Variants in CFAP57 observed in about 807,000 individuals in gnomAD.
CFAP57 encodes cilia and flagella associated protein 57, also known as cilia- and flagella-associated protein 57.
In CFAP57, 116 loss-of-function variants were observed where a neutral mutation model predicts 146.8. That is an observed-to-expected ratio of 0.79 (90% CI 0.68 to 0.92). The LOEUF (loss-of-function observed/expected upper bound fraction) is 0.92, where lower values mean the gene tolerates loss of function less well. Ranked by LOEUF, CFAP57 falls within the 40% of genes least tolerant of loss-of-function variation. The pLI is 0.00. For missense variants in CFAP57, 1,377 were observed against 1,527.2 expected (o/e 0.90, Z 1.64); for synonymous variants, 518 against 552.8 (o/e 0.94, Z 0.88).
rs1642965896 is a variant in CFAP57, at chr1:43,185,219, A to C, written c.832A>C (p.Ser278Arg). ...ACAGATGGTGGCGGCCAGTAGCCAT[A>C]GCCAGATGTCCATGCCCCAGGTGTT... ...YEQMVAASSH[S>R]QMSMPQVFAI... Residue 278 changes from serine to arginine, a missense_variant, in exon 5 of 23, where the codon AGC becomes CGC. Coordinates refer to ENST00000372492, the MANE Select transcript of CFAP57 (RefSeq NM_001378189.1). 31 of 1,614,210 alleles carry C rather than the reference A, an allele frequency of 1.9e-5. No individual in the cohort carries two copies. Among genetic ancestry groups the C allele is most frequent in the Non-Finnish European group, 2.5e-5 (29 of 1,180,048 alleles).
At chr1:43,205,554 A>G (rs1294946659) in intron 9 of CFAP57, among the ~76,000 whole-genome samples, 2 of 152,128 alleles carry the variant, frequency 1.3e-5, no homozygotes. Flanking sequence ...ATGGCTTGGA[A>G]CTTTCACTCT....
At chr1:43,184,969 G>A in intron 4 of CFAP57, 180 bp from the exon 5 acceptor site, 1 of 661,162 alleles carries the variant, frequency 1.5e-6, no homozygotes, top group South Asian at 1.7e-5. Flanking sequence ...TTGCTTCTAG[G>A]CTTGGCCATG....
chr1:43,180,023 A>T (rs1645327330), intron 2 of CFAP57, among the ~76,000 whole-genome samples: 1 of 151,796 alleles, frequency 6.6e-6, no homozygotes, highest in South Asian at 2.1e-4. Context: ...CCTGACCAAC[A>T]TGGAGAAACC....
intron 10 of CFAP57, among the ~76,000 whole-genome samples, chr1:43,207,226 A>G (rs1644396536): frequency 6.6e-6 from 1 of 152,192 alleles, no homozygotes; most frequent in Non-Finnish European, 1.5e-5. Flanking sequence ...CATGGAGGTC[A>G]TGTCATCTCT....
At chr1:43,172,654 G>A in intron 1 of CFAP57, 81 bp from the exon 2 acceptor site, 2 of 1,402,370 alleles carry the variant, frequency 1.4e-6, no homozygotes, top group Non-Finnish European at 2.0e-6. Flanking sequence ...GCAAAGGGCG[G>A]GGAGGGCGAG....
chr1:43,209,742 G>T lies in CFAP57; in HGVS notation c.1756-1G>T. ...ACTGAGCAGAGCTGCCTGTGTCTCA[G>T]ATCCTTCGAGAGATATCGGCGTTTG... On this transcript the variant is annotated splice_acceptor_variant, in intron 10 of 22. Transcript: ENST00000372492. LOFTEE classifies it high-confidence loss of function. 6.2e-7 allele frequency: 1 copy of T among 1,613,736 alleles called. No homozygotes were observed. Among genetic ancestry groups the T allele is most frequent in the South Asian group, 1.1e-5 (1 of 90,924 alleles).
chr1:43,207,815 C>T (rs978730680), intron 10 of CFAP57, among the ~76,000 whole-genome samples: 8 of 152,200 alleles, frequency 5.3e-5, no homozygotes, highest in South Asian at 2.1e-4. Flanking sequence ...GTAGATACCA[C>T]GGCAGCAAGC....
intron 6 of CFAP57, among the ~76,000 whole-genome samples, chr1:43,188,469 A>G (rs926291898): frequency 6.6e-6 from 1 of 152,170 alleles, no homozygotes; most frequent in African/African-American, 2.4e-5. Context: ...TATTATAGCC[A>G]TCTTAGTGGG....
chr1:43,236,680 C>T (rs1012865123), intron 21 of CFAP57, among the ~76,000 whole-genome samples: 1 of 147,388 alleles, frequency 6.8e-6, no homozygotes, highest in African/African-American at 2.5e-5. Context: ...GAGGCCGAGG[C>T]GGGTGGATCG....
chr1:43,208,822 A>G (rs925838066), intron 10 of CFAP57, among the ~76,000 whole-genome samples: 3 of 146,656 alleles, frequency 2.0e-5, no homozygotes, highest in Admixed American at 1.4e-4. Flanking sequence ...AAAAAAAAAT[A>G]TGTGTGTAGG....
chr1:43,190,687 C>T (rs573792590), intron 6 of CFAP57, among the ~76,000 whole-genome samples: 9 of 147,238 alleles, frequency 6.1e-5, no homozygotes, highest in Non-Finnish European at 8.9e-5. Flanking sequence ...TTATCATGAA[C>T]GGCTGTTGGA....
chr1:43,245,752 T>C (rs1646092738), intron 22 of CFAP57, among the ~76,000 whole-genome samples: 2 of 152,222 alleles, frequency 1.3e-5, no homozygotes, highest in Middle Eastern at 3.4e-3. Context: ...CAGACCCACA[T>C]CAAGTCCATC....
At chr1:43,245,283 C>T (rs889049051) in intron 22 of CFAP57, among the ~76,000 whole-genome samples, 23 of 150,440 alleles carry the variant, frequency 1.5e-4, no homozygotes, top group African/African-American at 4.9e-4. Context: ...GCCATGATCA[C>T]GCCACTACAC....
At position 43,229,027 on chromosome 1, in the gene CFAP57, G is replaced by A. The variant is rs1412944997; in HGVS notation, c.3009+1901G>A. Among the ~76,000 whole-genome samples the A allele has an allele frequency of 1.3e-5, 2 of 148,578 alleles. 1 individual carries two copies. The highest frequency in any genetic ancestry group is 5.1e-5 in the African/African-American group (2 of 39,508). On this transcript the variant is annotated intron_variant, in intron 18 of 22. Transcript: ENST00000372492. ...TGACCTCCTAATCCCATCACTTTGG[G>A]GGTTAGGTTTCACCATTGGAATTTG...
chr1:43,242,610 T>G (rs1645967680), intron 21 of CFAP57, among the ~76,000 whole-genome samples: 1 of 152,228 alleles, frequency 6.6e-6, no homozygotes, highest in Non-Finnish European at 1.5e-5. Flanking sequence ...TATTTCTGTT[T>G]GCACTTTATG....
At chr1:43,251,305 C>A (rs1448522274) in intron 22 of CFAP57, among the ~76,000 whole-genome samples, 1 of 152,220 alleles carries the variant, frequency 6.6e-6, no homozygotes, top group Admixed American at 6.5e-5. Context: ...AAATCCATAT[C>A]TCTGACTGAC....
chr1:43,216,927 G>A (rs1644854986), intron 12 of CFAP57, among the ~76,000 whole-genome samples: 2 of 152,212 alleles, frequency 1.3e-5, no homozygotes. Context: ...CTGGGAAGAG[G>A]GCAGAGTATC....
Position 43,222,250 on chromosome 1 carries a change from G to A in CFAP57, c.2487G>A (p.Glu829=). Residue 829 remains glutamate, a synonymous_variant, in exon 15 of 23, where the codon GAG becomes GAA. Coordinates refer to ENST00000372492, the MANE Select transcript of CFAP57 (RefSeq NM_001378189.1). ...GCCAGGCCCTGGAGGAGCTGACTGAGTTTTACGAGGCAAAACTGCAGGAGA... is the reference window on the plus strand; with the variant it reads ...GCCAGGCCCTGGAGGAGCTGACTGAATTTTACGAGGCAAAACTGCAGGAGA... ...TKSQALEELT[E]FYEAKLQEKT... 6.7e-7 allele frequency: 1 copy of A among 1,483,926 alleles called. No individual in the cohort carries two copies. Among genetic ancestry groups the A allele is most frequent in the Non-Finnish European group, 9.0e-7 (1 of 1,113,460 alleles). 91.9% of individuals were successfully genotyped at this position (1,483,926 alleles called of 1,614,324 possible). A position where few individuals can be genotyped will look rare whatever the true frequency, so the allele number is the denominator to read the frequency against.
At chr1:43,184,063 A>G (rs2124297026) in intron 4 of CFAP57, among the ~76,000 whole-genome samples, 186 bp downstream of exon 4, 1 of 152,374 alleles carries the variant, frequency 6.6e-6, no homozygotes, top group African/African-American at 2.4e-5. Context: ...ACCATAGACT[A>G]AATACAATTC....
Sources: gnomAD v4.1 joint callset for allele counts (sites outside exome capture counted in the v4.1 genomes callset) on GRCh38, gnomAD v4.1.1 for gene constraint, MANE v1.5 for transcripts, NCBI Gene and HGNC (gene_info 2026-07-23, HGNC 2026-07-21) for gene names.